The following PTPRQ variants were observed in gnomAD, a reference collection of about 807,000 sequenced individuals.
The protein encoded by PTPRQ is phosphatidylinositol phosphatase PTPRQ.
A neutral mutation model predicts 246.0 loss-of-function variants in PTPRQ; 199 were observed. The ratio of observed to expected loss-of-function variants is 0.81; its 90% CI spans 0.72 to 0.91. PTPRQ has a LOEUF of 0.91. Among genes scored for constraint, PTPRQ ranks in the 40% least tolerant of loss-of-function variants. The pLI is 0.00. For synonymous variants in PTPRQ, 869 were observed against 853.2 expected, an observed-to-expected ratio of 1.02 and a Z score of -0.32; for missense variants, 2,624 against 2,528.4, an observed-to-expected ratio of 1.04 and a Z score of -0.81.
chr12:80,585,840 G>A (rs570593846), intron 25 of PTPRQ, among the ~76,000 whole-genome samples: 27 of 147,594 alleles, frequency 1.8e-4, no homozygotes, highest in South Asian at 2.2e-4. Context: ...CCACTAACTC[G>A]TCATCTAGCA....
At chr12:80,523,720 A>G (rs11114496) in intron 17 of PTPRQ, among the ~76,000 whole-genome samples, 80,679 of 151,914 alleles carry the variant, frequency 0.53, 24,178 homozygotes, top group Non-Finnish European at 0.67. Flanking sequence ...TTGCACTGTG[A>G]TCTGAGAGAT....
In PTPRQ at chr12:80,618,659, C is replaced by T. The variant is rs559350941; in HGVS notation, c.5231-725C>T. On this transcript the variant is annotated intron_variant, in intron 30 of 44. Coordinates refer to ENST00000644991, the MANE Select transcript of PTPRQ (RefSeq NM_001145026.2). ...AATTATTGTAAAACATGTTTAAAAA[C>T]TGGAGGAAAAGTGAATTCCCATCAC... Among the ~76,000 whole-genome samples, 57 of 151,512 alleles carry T rather than the reference C, an allele frequency of 3.8e-4. 1 individual carries two copies. The highest frequency in any genetic ancestry group is 3.5e-4 in the Non-Finnish European group (24 of 67,676).
chr12:80,448,248 A>G (rs1892614894), intron 3 of PTPRQ, among the ~76,000 whole-genome samples: 2 of 152,070 alleles, frequency 1.3e-5, no homozygotes, highest in South Asian at 4.1e-4. Flanking sequence ...TGTATCCCAA[A>G]ACTTTATTGA....
chr12:80,613,805 G>A lies in PTPRQ; in HGVS notation c.5132G>A (p.Gly1711Glu). The change falls in exon 29 of 45, where the codon GGA (glycine) becomes GAA (glutamate). Residue 1711 changes from glycine to glutamate, a missense_variant. By Grantham distance (98) the Gly-to-Glu change is moderately conservative. Transcript: ENST00000644991. Reference protein sequence around the residue: ...TNTFVIAMLEGLKGGHTYNIS... With the variant: ...TNTFVIAMLEELKGGHTYNIS... Reference sequence around the variant, plus strand: ...ACATTCGTCATTGCAATGCTAGAAGGACTAAAAGGTGGACATACATACAAT... The same window carrying A: ...ACATTCGTCATTGCAATGCTAGAAGAACTAAAAGGTGGACATACATACAAT... The A allele has an allele frequency of 1.9e-6, 3 of 1,539,136 alleles. No individual in the cohort carries two copies. Among genetic ancestry groups the A allele is most frequent in the Non-Finnish European group, 2.6e-6 (3 of 1,140,060 alleles).
chr12:80,448,413 G>A (rs964874593), intron 3 of PTPRQ, among the ~76,000 whole-genome samples: 2 of 152,108 alleles, frequency 1.3e-5, no homozygotes, highest in African/African-American at 4.8e-5. Flanking sequence ...TAGGGTACAT[G>A]TGCACAATGT....
chr12:80,580,381 A>G (rs1043108751), intron 25 of PTPRQ, among the ~76,000 whole-genome samples: 1 of 152,228 alleles, frequency 6.6e-6, no homozygotes, highest in African/African-American at 2.4e-5. Context: ...TCCAGGAAGC[A>G]TGGAATGATG....
intron 17 of PTPRQ, among the ~76,000 whole-genome samples, chr12:80,518,068 C>T (rs528105773): frequency 3.9e-5 from 6 of 152,174 alleles, no homozygotes; most frequent in South Asian, 4.1e-4. Flanking sequence ...AACTGTTCTC[C>T]GTAGTGATTT....
At chr12:80,502,789 G>T (rs1434606141) in intron 14 of PTPRQ, among the ~76,000 whole-genome samples, 3 of 151,862 alleles carry the variant, frequency 2.0e-5, no homozygotes, top group Non-Finnish European at 4.4e-5. Context: ...TAATGACAAA[G>T]TCTTAGGTGT....
At position 80,679,457 on chromosome 12, in the gene PTPRQ, G is replaced by T. The variant is rs1901248818; in HGVS notation, c.*434G>T. 6.5e-6 allele frequency: 1 copy of T among 154,992 alleles called. No individual in the cohort carries two copies. The highest frequency in any genetic ancestry group is 1.4e-5 in the Non-Finnish European group (1 of 70,156). 9.6% of individuals were successfully genotyped at this position (154,992 alleles called of 1,614,324 possible). Reference sequence around the variant, plus strand: ...TTTCTTGTGGATAATTTCCAGGACTGTCATAATGATCTGTACTTCCATGTA... The same window carrying T: ...TTTCTTGTGGATAATTTCCAGGACTTTCATAATGATCTGTACTTCCATGTA... On this transcript the variant is annotated 3_prime_UTR_variant, in exon 45 of 45. Transcript: ENST00000644991.
At chr12:80,670,515 C>A in intron 42 of PTPRQ, 23 bp downstream of exon 42, 1 of 1,467,856 alleles carries the variant, frequency 6.8e-7, no homozygotes, top group Non-Finnish European at 9.0e-7. Context: ...TCAGAAATGG[C>A]CTTTGAACCC....
At chr12:80,655,153 A>G (rs892676516) in intron 38 of PTPRQ, among the ~76,000 whole-genome samples, 2 of 152,162 alleles carry the variant, frequency 1.3e-5, no homozygotes. Context: ...AAAGTAATAA[A>G]AAGGACCGAG....
chr12:80,669,519 A>G (rs1900901975), intron 41 of PTPRQ, 55 bp downstream of exon 41: 2 of 1,497,972 alleles, frequency 1.3e-6, no homozygotes, highest in African/African-American at 2.9e-5. Context: ...ATTGATCTAA[A>G]TGTCTAAAAT....
At position 80,649,035 on chromosome 12, in the gene PTPRQ, C is replaced by T. The variant is rs193134512; in HGVS notation, c.5942+112C>T. 316 of 1,004,280 alleles carry T rather than the reference C, an allele frequency of 3.1e-4. 2 individuals carry two copies. The African/African-American group carries it at 4.8e-3, about 15-fold the overall frequency. 62.2% of individuals were successfully genotyped at this position (1,004,280 alleles called of 1,614,324 possible). ...TTTTGTATGTTTGTTGGAAAAACCT[C>T]CAAGCTGGATATAAATCATAAAAGC... On this transcript the variant is annotated intron_variant, in intron 36 of 44. Transcript: ENST00000644991.
chr12:80,618,820 GA>G lies in PTPRQ; in HGVS notation c.5231-563del, dbSNP rs1251216141. Among the ~76,000 whole-genome samples, 6 of 151,414 alleles carry G rather than the reference GA, an allele frequency of 4.0e-5. No individual in the cohort carries two copies. In the Admixed American group the frequency reaches 4.0e-4, roughly 10 times the overall value. On this transcript the variant is annotated intron_variant, in intron 30 of 44. Coordinates refer to ENST00000644991, the MANE Select transcript of PTPRQ (RefSeq NM_001145026.2). ...TATATTTAAGCAAAAAAAGCAATAT[GA>G]GGGGTAATTATAATACATACTAGAG...
intron 33 of PTPRQ, among the ~76,000 whole-genome samples, chr12:80,626,414 G>A (rs777405559): frequency 6.6e-6 from 1 of 152,144 alleles, no homozygotes; most frequent in Non-Finnish European, 1.5e-5. Flanking sequence ...TAAATCAGAT[G>A]AATAAAATGG....
rs1898636997 is a variant in PTPRQ at position 80,613,613 on chromosome 12, A to G, written c.4940A>G (p.Asn1647Ser). The G allele has an allele frequency of 6.5e-7, 1 of 1,543,792 alleles. No homozygotes were observed. Among genetic ancestry groups the G allele is most frequent in the Non-Finnish European group, 8.8e-7 (1 of 1,142,090 alleles). Reference protein sequence around the residue: ...LESAPKDPPNNMTFQKIPDEV... With the variant: ...LESAPKDPPNSMTFQKIPDEV... ...TTAGCCCCAAAGGACCCACCTAACA[A>G]CATGACATTTCAGAAGATACCAGAT... is the stretch of plus-strand genomic sequence containing the variant. Residue 1647 changes from asparagine (N) to serine (S), a missense_variant, in exon 29 of 45, where the codon AAC becomes AGC. Coordinates refer to ENST00000644991, the MANE Select transcript of PTPRQ (RefSeq NM_001145026.2).
At chr12:80,453,371 A>G (rs1892845515) in intron 3 of PTPRQ, among the ~76,000 whole-genome samples, 2 of 152,196 alleles carry the variant, frequency 1.3e-5, no homozygotes, top group Admixed American at 1.3e-4. Context: ...CAACTCGTGA[A>G]AGTCATTCTC....
rs1185856370 is a variant in PTPRQ at position 80,507,802 on chromosome 12, G to A, written c.2557+1132G>A. 3.3e-5 allele frequency among the ~76,000 whole-genome samples: 5 copies of A among 151,986 alleles called. No individual in the cohort carries two copies. In the South Asian group the frequency reaches 8.3e-4, roughly 25 times the overall value. On this transcript the variant is annotated intron_variant, in intron 16 of 44. Transcript: ENST00000644991. ...TAAATAGATTCTCCTTGCTCTGAAA[G>A]TTAAAATTATCTTAATAAAAAAACC...
Position 80,542,303 on chromosome 12 carries a change from C to T in PTPRQ, c.3660C>T (p.Ala1220=), listed in dbSNP as rs11114503. 442,457 of 1,548,670 alleles carry T rather than the reference C, an allele frequency of 0.29. 72,220 individuals are homozygous for T. The highest frequency in any genetic ancestry group is 0.72 in the African/African-American group (52,600 of 72,830). ...TTACATTATATAGCTTTTTTGCTGC[C>T]GCAAGAACTAGAAAAGGACTTGGTC... ...SPFTLYSFFA[A]ARTRKGLGPS... The change falls in exon 22 of 45, where the codon GCC becomes GCT. Residue 1220 remains alanine, a synonymous_variant. Transcript: ENST00000644991.
Sources: gnomAD v4.1 joint callset for allele counts (sites outside exome capture counted in the v4.1 genomes callset) on GRCh38, gnomAD v4.1.1 for gene constraint, MANE v1.5 for transcripts, NCBI Gene and HGNC (gene_info 2026-07-23, HGNC 2026-07-21) for gene names.